The following DPP10 variants were observed in gnomAD, a reference collection of about 807,000 sequenced individuals.
DPP10 encodes the protein dipeptidyl peptidase like 10, also known as inactive dipeptidyl peptidase 10.
A neutral mutation model predicts 120.9 loss-of-function variants in DPP10; 33 were observed. The ratio of observed to expected loss-of-function variants is 0.27; its 90% CI spans 0.21 to 0.37. The LOEUF (loss-of-function observed/expected upper bound fraction) is 0.37. Among genes scored for constraint, DPP10 ranks in the 10% least tolerant of loss-of-function variants. DPP10 has a pLI of 1.00. For missense variants in DPP10, 816 were observed against 942.8 expected (o/e 0.87, Z 1.76); for synonymous variants, 337 against 326.1 (o/e 1.03, Z -0.36).
intron 1 of DPP10, among the ~76,000 whole-genome samples, chr2:114,864,669 G>A (rs1367555379): frequency 6.6e-6 from 1 of 152,148 alleles, no homozygotes; most frequent in Non-Finnish European, 1.5e-5. Context: ...CAATTTGCTA[G>A]AAAAACAAAT....
chr2:115,565,247 C>T (rs2080927210), intron 5 of DPP10, among the ~76,000 whole-genome samples: 1 of 152,098 alleles, frequency 6.6e-6, no homozygotes, highest in Admixed American at 6.5e-5. Context: ...AAGAAAGTTG[C>T]AAAATTATTT....
chr2:114,445,214 T>A (rs931560173), intron 1 of DPP10, among the ~76,000 whole-genome samples: 4 of 152,154 alleles, frequency 2.6e-5, no homozygotes, highest in Non-Finnish European at 5.9e-5. Flanking sequence ...CAATTTACTA[T>A]CAGATAATTT....
intron 5 of DPP10, among the ~76,000 whole-genome samples, chr2:115,645,090 G>A (rs1010192839): frequency 1.3e-5 from 2 of 152,068 alleles, no homozygotes; most frequent in Non-Finnish European, 2.9e-5. Flanking sequence ...TCACCTTAAT[G>A]ATACCATGAA....
intron 9 of DPP10, among the ~76,000 whole-genome samples, chr2:115,745,763 T>C: frequency 6.6e-6 from 1 of 151,298 alleles, no homozygotes; most frequent in East Asian, 1.9e-4. Flanking sequence ...CTAGTTTGTT[T>C]GTTTGTTTGT....
chr2:114,745,176 T>C (rs1678458783), intron 1 of DPP10, among the ~76,000 whole-genome samples: 1 of 152,244 alleles, frequency 6.6e-6, no homozygotes, highest in Non-Finnish European at 1.5e-5. Context: ...TATAACTGCC[T>C]TGTTATTCCT....
In DPP10 at chr2:115,638,613, A is replaced by T. The variant is rs1456641502; in HGVS notation, c.442-51074A>T. ...GGAGGATTCTGTGTATTTTCCCTGTAAGTCACTGAAATATCCTGGTAGGCC... is the reference window on the plus strand; with the variant it reads ...GGAGGATTCTGTGTATTTTCCCTGTTAGTCACTGAAATATCCTGGTAGGCC... On this transcript the variant is annotated intron_variant, in intron 5 of 25. Coordinates refer to ENST00000410059, the MANE Select transcript of DPP10 (RefSeq NM_020868.6). 2.6e-5 allele frequency among the ~76,000 whole-genome samples: 4 copies of T among 152,210 alleles called. No homozygotes were observed. In the East Asian group the frequency reaches 7.7e-4, roughly 29 times the overall value.
At chr2:114,530,207 T>C (rs1685846008) in intron 1 of DPP10, among the ~76,000 whole-genome samples, 2 of 152,200 alleles carry the variant, frequency 1.3e-5, no homozygotes, top group Non-Finnish European at 2.9e-5. Context: ...GTTTCATTGA[T>C]ATAAAATAAG....
chr2:115,037,647 T>C (rs987114508), intron 1 of DPP10, among the ~76,000 whole-genome samples: 1 of 152,214 alleles, frequency 6.6e-6, no homozygotes, highest in African/African-American at 2.4e-5. Context: ...ATAATTTCCG[T>C]GCATGAGCTT....
At chr2:115,480,435 G>C (rs2075359261) in intron 3 of DPP10, among the ~76,000 whole-genome samples, 1 of 152,032 alleles carries the variant, frequency 6.6e-6, no homozygotes, top group South Asian at 2.1e-4. Context: ...TAGGGACATG[G>C]TAAACACTTA....
intron 1 of DPP10, among the ~76,000 whole-genome samples, chr2:114,988,279 T>C (rs1016023334): frequency 1.3e-5 from 2 of 152,186 alleles, no homozygotes; most frequent in African/African-American, 4.8e-5. Flanking sequence ...CAACATAGGG[T>C]CCTACCTACT....
intron 1 of DPP10, among the ~76,000 whole-genome samples, chr2:114,538,315 A>G (rs1159845622): frequency 6.6e-6 from 1 of 152,150 alleles, no homozygotes; most frequent in African/African-American, 2.4e-5. Context: ...TGTAACACAG[A>G]CTACTCTGCA....
intron 1 of DPP10, among the ~76,000 whole-genome samples, chr2:114,517,204 G>A (rs554336458): frequency 5.1e-4 from 78 of 152,270 alleles, no homozygotes; most frequent in Non-Finnish European, 9.3e-4. Flanking sequence ...TCACGGACAA[G>A]TTCCAGTGGT....
At chr2:115,286,530 T>TATATATATATATATA (rs1559366961) in intron 1 of DPP10, among the ~76,000 whole-genome samples, 9 of 114,548 alleles carry the variant, frequency 7.9e-5, no homozygotes, top group Non-Finnish European at 1.7e-4. Context: ...ATATATAATA[T>TATATATATATATATA]ATATATATAT....
At chr2:114,760,967 A>C (rs1680229278) in intron 1 of DPP10, among the ~76,000 whole-genome samples, 1 of 152,204 alleles carries the variant, frequency 6.6e-6, no homozygotes, top group Non-Finnish European at 1.5e-5. Flanking sequence ...GGAAATCAAA[A>C]AATTTTTCTT....
Position 114,648,350 on chromosome 2 carries a change from C to A in DPP10, c.60+205512C>A, listed in dbSNP as rs528323662. On this transcript the variant is annotated intron_variant, in intron 1 of 25. Transcript: ENST00000410059. Reference sequence around the variant, plus strand: ...CTAGCAAGTAGGGTTAAATCTCAGACCCTTCACAGTTCTTGACACCCAATT... The same window carrying A: ...CTAGCAAGTAGGGTTAAATCTCAGAACCTTCACAGTTCTTGACACCCAATT... Among the ~76,000 whole-genome samples, 6 of 152,294 alleles carry A rather than the reference C, an allele frequency of 3.9e-5. No individual in the cohort carries two copies. The East Asian group carries it at 7.7e-4, about 20-fold the overall frequency.
chr2:115,225,519 G>A (rs1268606751), intron 1 of DPP10, among the ~76,000 whole-genome samples: 1 of 151,844 alleles, frequency 6.6e-6, no homozygotes, highest in Non-Finnish European at 1.5e-5. Context: ...GTGCGTGTGT[G>A]TGTGTGTGTG....
At chr2:114,831,598 G>A (rs1687126487) in intron 1 of DPP10, among the ~76,000 whole-genome samples, 1 of 152,082 alleles carries the variant, frequency 6.6e-6, no homozygotes, top group African/African-American at 2.4e-5. Flanking sequence ...GGAAAGCTGG[G>A]TTTGCAGAAA....
intron 19 of DPP10, among the ~76,000 whole-genome samples, chr2:115,813,280 C>T: frequency 6.6e-6 from 1 of 152,196 alleles, no homozygotes; most frequent in Non-Finnish European, 1.5e-5. Flanking sequence ...TCTCACAGCG[C>T]TGAAGGCTAG....
chr2:115,010,682 A>G (rs1011509250), intron 1 of DPP10, among the ~76,000 whole-genome samples: 1 of 152,222 alleles, frequency 6.6e-6, no homozygotes, highest in African/African-American at 2.4e-5. Flanking sequence ...TGGCATTGAG[A>G]GACTTTTTAA....
Sources: gnomAD v4.1 joint callset for allele counts (sites outside exome capture counted in the v4.1 genomes callset) on GRCh38, gnomAD v4.1.1 for gene constraint, MANE v1.5 for transcripts, NCBI Gene and HGNC (gene_info 2026-07-23, HGNC 2026-07-21) for gene names.